The following DDX46 variants were observed in gnomAD, a reference collection of about 807,000 sequenced individuals.
The protein encoded by DDX46 is probable ATP-dependent RNA helicase DDX46.
Under a neutral mutation model 134.9 loss-of-function variants are expected in DDX46, and 30 were observed. The ratio of observed to expected loss-of-function variants is 0.22; its 90% CI spans 0.17 to 0.30. The LOEUF (loss-of-function observed/expected upper bound fraction) is 0.30, where lower values mean the gene tolerates loss of function less well. Among genes scored for constraint, DDX46 ranks in the 10% least tolerant of loss-of-function variants. The probability of loss-of-function intolerance (pLI) is 1.00; values close to 1 mark genes in which losing one functional copy is unlikely to be tolerated. For missense variants in DDX46, 622 were observed against 1,248.7 expected (o/e 0.50, Z 7.56); for synonymous variants, 415 against 404.1 (o/e 1.03, Z -0.32).
chr5:134,816,602 A>C lies in DDX46; in HGVS notation c.2609A>C (p.Gln870Pro). The change falls in exon 19 of 23, where the codon CAG (glutamine) becomes CCG (proline). Residue 870 changes from glutamine (Q) to proline (P), a missense_variant. Transcript: ENST00000452510. ...NAQKNLGIESQVDVMQQATNA... is the reference protein window; with the variant it reads ...NAQKNLGIESPVDVMQQATNA... ...CAGAAGAATTTGGGCATCGAGTCTC[A>C]GGTATTAAGTAATTTGTTCCAAGTC... is the stretch of plus-strand genomic sequence containing the variant. 1 of 1,612,364 alleles carries C rather than the reference A, an allele frequency of 6.2e-7. No individual in the cohort carries two copies. Among genetic ancestry groups the C allele is most frequent in the Non-Finnish European group, 8.5e-7 (1 of 1,179,702 alleles).
chr5:134,788,096 C>G (rs1561861865), intron 11 of DDX46, among the ~76,000 whole-genome samples: 1 of 151,516 alleles, frequency 6.6e-6, no homozygotes, highest in African/African-American at 2.4e-5. Context: ...TGGCAACCCT[C>G]AATTTGAAAA....
intron 9 of DDX46, 100 bp downstream of exon 9, chr5:134,783,165 C>G: frequency 6.9e-7 from 1 of 1,454,924 alleles, no homozygotes; most frequent in Non-Finnish European, 9.2e-7. Context: ...TCTAAAAAAA[C>G]CCTTACGTTT....
chr5:134,809,672 G>A (rs930418145), intron 16 of DDX46, among the ~76,000 whole-genome samples: 2 of 151,294 alleles, frequency 1.3e-5, no homozygotes, highest in African/African-American at 4.8e-5. Flanking sequence ...ACTGCACCCG[G>A]CCAAGATATT....
intron 14 of DDX46, among the ~76,000 whole-genome samples, chr5:134,795,686 T>C (rs1203544182): frequency 6.6e-6 from 1 of 152,260 alleles, no homozygotes; most frequent in Admixed American, 6.5e-5. Context: ...GGCAATATAG[T>C]GAGACCCCTG....
chr5:134,804,752 T>G, intron 15 of DDX46: 1 of 297,468 alleles, frequency 3.4e-6, no homozygotes, highest in South Asian at 3.1e-5. Context: ...GTCTTTTAAT[T>G]TTTATTCAAA....
chr5:134,806,593 TC>T (rs1446463581), intron 15 of DDX46, among the ~76,000 whole-genome samples: 2 of 152,216 alleles, frequency 1.3e-5, no homozygotes, highest in Non-Finnish European at 2.9e-5. Flanking sequence ...AGTGTTAGAT[TC>T]CAGTTTCTTT....
intron 15 of DDX46, among the ~76,000 whole-genome samples, chr5:134,803,918 C>CTTTTT (rs201944776): frequency 7.4e-5 from 7 of 94,886 alleles, no homozygotes; most frequent in South Asian, 5.7e-4. Flanking sequence ...GATGATTCTT[C>CTTTTT]TTTTTTTTTT....
intron 4 of DDX46, 28 bp from the exon 5 acceptor site, chr5:134,773,668 A>G (rs1011284898): frequency 1.3e-6 from 2 of 1,553,862 alleles, no homozygotes; most frequent in Non-Finnish European, 1.7e-6. Context: ...ATTTTCCCCC[A>G]TCTCTTTCTT....
chr5:134,790,090 A>G, intron 12 of DDX46: 1 of 462,374 alleles, frequency 2.2e-6, no homozygotes, highest in Non-Finnish European at 4.3e-6. Context: ...GTAATCTCTA[A>G]TATGTTTTTT....
Position 134,786,865 on chromosome 5 carries a change from G to A in DDX46, c.1464+1279G>A, listed in dbSNP as rs117178875. On this transcript the variant is annotated intron_variant, in intron 11 of 22. Transcript: ENST00000452510. ...ATCTTGGGGGGTGGCGGAAGTGATG[G>A]TGATTACTGGGATGCATTAATATCA... Among the ~76,000 whole-genome samples the A allele has an allele frequency of 6.6e-5, 10 of 152,134 alleles. No individual in the cohort carries two copies. The East Asian group carries it at 1.9e-3, about 29-fold the overall frequency.
At chr5:134,762,899 G>A (rs1753436096) in intron 1 of DDX46, among the ~76,000 whole-genome samples, 1 of 151,670 alleles carries the variant, frequency 6.6e-6, no homozygotes, top group Non-Finnish European at 1.5e-5. Context: ...TTCTAAAAAT[G>A]CAAAAAAAAT....
rs1158560431 is a variant in DDX46, at chr5:134,780,138, G to GTGTGTGTA, written c.766-994_766-993insGTGTGTAT. 2.2e-4 allele frequency among the ~76,000 whole-genome samples: 31 copies of GTGTGTGTA among 142,426 alleles called. No individual in the cohort carries two copies. In the East Asian group the frequency reaches 5.6e-3, roughly 26 times the overall value. The allele number at this position is 142,426 out of a possible 152,430, so 93.4% of individuals were successfully genotyped here. A position where few individuals can be genotyped will look rare whatever the true frequency, so the allele number is the denominator to read the frequency against. On this transcript the variant is annotated intron_variant, in intron 6 of 22. Coordinates refer to ENST00000452510, the MANE Select transcript of DDX46 (RefSeq NM_001300860.2). Reference sequence around the variant, plus strand: ...TGTGTGTGTGTGTGTGTGTGTGTGTGTATATGTATATATGTGCATGTATAT... The same window carrying GTGTGTGTA: ...TGTGTGTGTGTGTGTGTGTGTGTGTGTGTGTGTATATATGTATATATGTGCATGTATAT...
intron 2 of DDX46, 98 bp from the exon 3 acceptor site, chr5:134,766,819 G>C (rs1398563918): frequency 7.3e-7 from 1 of 1,375,628 alleles, no homozygotes; most frequent in Admixed American, 2.9e-5. Context: ...TTTAATAATG[G>C]TAGTGATTAA....
chr5:134,820,864 C>CTTTTTTT (rs1180909732), intron 21 of DDX46, among the ~76,000 whole-genome samples: 19 of 123,218 alleles, frequency 1.5e-4, no homozygotes, highest in African/African-American at 3.4e-4. Flanking sequence ...CTTTTCTTTT[C>CTTTTTTT]TTTTTTTTTT....
chr5:134,771,044 CTTTCTTTCTTTCT>C (rs770809845), intron 4 of DDX46, 45 bp downstream of exon 4: 10 of 752,582 alleles, frequency 1.3e-5, no homozygotes, highest in Admixed American at 8.8e-5. Context: ...TTCTTTTTGT[CTTTCTTTCTTTCT>C]TTTCTTTCTT....
At position 134,783,074 on chromosome 5, in the gene DDX46, T is replaced by C. The variant is rs1490043855; in HGVS notation, c.1166+9T>C. 1.9e-6 allele frequency: 3 copies of C among 1,612,162 alleles called. No individual in the cohort carries two copies. Among genetic ancestry groups the C allele is most frequent in the Non-Finnish European group, 2.5e-6 (3 of 1,178,846 alleles). ...TTAAATTCCCTCAAGAAGTAAGTGG[T>C]TGGTGGTTGTTTATGTTTTCCGTGT... On this transcript the variant is annotated intron_variant, in intron 9 of 22. Coordinates refer to ENST00000452510, the MANE Select transcript of DDX46 (RefSeq NM_001300860.2).
intron 20 of DDX46, among the ~76,000 whole-genome samples, chr5:134,818,499 C>T (rs1385262464): frequency 2.7e-5 from 4 of 150,000 alleles, no homozygotes; most frequent in African/African-American, 9.8e-5. Flanking sequence ...GTCGGGAGGT[C>T]GAGACCAGCC....
chr5:134,808,550 G>A (rs1036837864), intron 16 of DDX46, among the ~76,000 whole-genome samples: 2 of 151,824 alleles, frequency 1.3e-5, no homozygotes, highest in African/African-American at 2.4e-5. Flanking sequence ...ATTGTAAGTC[G>A]GGGACCATCT....
intron 15 of DDX46, chr5:134,805,117 T>C: frequency 4.4e-6 from 1 of 226,472 alleles, no homozygotes; most frequent in Non-Finnish European, 9.3e-6. Context: ...AGGCAGTATG[T>C]CAAATGCTTG....
Sources: allele counts gnomAD v4.1 joint callset (sites outside exome capture counted in the v4.1 genomes callset), GRCh38; gene constraint gnomAD v4.1.1; transcripts MANE v1.5; gene names NCBI Gene and HGNC (gene_info 2026-07-23, HGNC 2026-07-21).